GPC5: variants seen among roughly 807,000 people sequenced by gnomAD.
The protein encoded by GPC5 is glypican 5.
GPC5 carries 47 observed loss-of-function variants against 53.9 expected under a neutral mutation model. The observed-to-expected ratio is 0.87, with a 90% CI of 0.69 to 1.11. The LOEUF is 1.11. Among genes scored for constraint, GPC5 ranks in the 50% most tolerant of loss-of-function variants. The pLI is 0.00. For synonymous variants in GPC5, 286 were observed against 263.3 expected, an observed-to-expected ratio of 1.09 and a Z score of -0.84; for missense variants, 748 against 713.1, an observed-to-expected ratio of 1.05 and a Z score of -0.56.
In GPC5 at chr13:91,972,349, C is replaced by G. The variant is rs566333482; in HGVS notation, c.1401+64292C>G. 2.6e-5 allele frequency among the ~76,000 whole-genome samples: 4 copies of G among 152,236 alleles called. No homozygotes were observed. The South Asian group carries it at 8.3e-4, about 32-fold the overall frequency. Reference sequence around the variant, plus strand: ...TCTTCCTCCATCCCTTTATTTTAAGCCTATGTGTGTCTCTGCACGTGAGAT... The same window carrying G: ...TCTTCCTCCATCCCTTTATTTTAAGGCTATGTGTGTCTCTGCACGTGAGAT... On this transcript the variant is annotated intron_variant, in intron 6 of 7. Coordinates refer to ENST00000377067, the MANE Select transcript of GPC5 (RefSeq NM_004466.6).
chr13:91,511,304 G>A (rs1438035274), intron 2 of GPC5, among the ~76,000 whole-genome samples: 1 of 151,916 alleles, frequency 6.6e-6, no homozygotes, highest in East Asian at 1.9e-4. Context: ...ACTGCTTTTA[G>A]TATATTTTCT....
chr13:91,925,448 A>C (rs1185826768), intron 6 of GPC5, among the ~76,000 whole-genome samples: 1 of 152,180 alleles, frequency 6.6e-6, no homozygotes, highest in African/African-American at 2.4e-5. Flanking sequence ...CCATTAATTC[A>C]GTGAACAAAC....
At position 92,052,647 on chromosome 13, in the gene GPC5, A is replaced by G. The variant is rs2041040004; in HGVS notation, c.1402-92183A>G. ...TTGGTGCATTTACAATCCTTTAGCT[A>G]GACACAGAGTGCTGATTGGTGAGTT... On this transcript the variant is annotated intron_variant, in intron 6 of 7. Coordinates refer to ENST00000377067, the MANE Select transcript of GPC5 (RefSeq NM_004466.6). Among the ~76,000 whole-genome samples the G allele has an allele frequency of 2.6e-5, 4 of 152,088 alleles. No homozygotes were observed. In the South Asian group the frequency reaches 8.3e-4, roughly 32 times the overall value.
At chr13:92,417,074 C>T (rs904245957) in intron 7 of GPC5, among the ~76,000 whole-genome samples, 1 of 152,114 alleles carries the variant, frequency 6.6e-6, no homozygotes, top group African/African-American at 2.4e-5. Flanking sequence ...TAAGTCACGC[C>T]GTTGTAAGTC....
intron 7 of GPC5, among the ~76,000 whole-genome samples, chr13:92,503,280 C>T (rs1439904912): frequency 6.6e-6 from 1 of 151,706 alleles, no homozygotes; most frequent in African/African-American, 2.4e-5. Flanking sequence ...TCCACAGTAG[C>T]ATACTTTTTA....
intron 6 of GPC5, among the ~76,000 whole-genome samples, chr13:92,065,980 A>C (rs1204033628): frequency 6.6e-6 from 1 of 152,120 alleles, no homozygotes; most frequent in Non-Finnish European, 1.5e-5. Flanking sequence ...ACTGTTGAAA[A>C]GATATTATTT....
At chr13:92,291,162 C>T (rs963658469) in intron 7 of GPC5, among the ~76,000 whole-genome samples, 2 of 152,232 alleles carry the variant, frequency 1.3e-5, no homozygotes, top group Non-Finnish European at 2.9e-5. Flanking sequence ...CCGGAGCCTC[C>T]CCGAGGAGCG....
chr13:92,064,620 G>T (rs1304686398), intron 6 of GPC5, among the ~76,000 whole-genome samples: 4 of 151,978 alleles, frequency 2.6e-5, no homozygotes, highest in Non-Finnish European at 5.9e-5. Context: ...GCTAGGCGTG[G>T]TGGGGGGGCG....
At chr13:92,425,975 T>C (rs1439416191) in intron 7 of GPC5, among the ~76,000 whole-genome samples, 2 of 152,104 alleles carry the variant, frequency 1.3e-5, no homozygotes, top group South Asian at 4.1e-4. Flanking sequence ...TCTCTAACAT[T>C]AGATCAACAT....
chr13:91,458,590 A>C (rs1338300286), intron 2 of GPC5, among the ~76,000 whole-genome samples: 1 of 152,176 alleles, frequency 6.6e-6, no homozygotes, highest in African/African-American at 2.4e-5. Flanking sequence ...ATAATTAAAA[A>C]ATAAAAAAAA....
At chr13:91,509,427 C>G (rs947400573) in intron 2 of GPC5, among the ~76,000 whole-genome samples, 2 of 42,374 alleles carry the variant, frequency 4.7e-5, no homozygotes, top group African/African-American at 7.4e-5. Context: ...TTTTAAGGAT[C>G]AAATAGTGAG....
chr13:92,392,094 C>G (rs1370965077), intron 7 of GPC5, among the ~76,000 whole-genome samples: 1 of 152,116 alleles, frequency 6.6e-6, no homozygotes, highest in Non-Finnish European at 1.5e-5. Flanking sequence ...AAAAATTAAG[C>G]CAAGTATGTT....
At chr13:92,292,395 G>A (rs1239040701) in intron 7 of GPC5, among the ~76,000 whole-genome samples, 1 of 152,156 alleles carries the variant, frequency 6.6e-6, no homozygotes, top group Non-Finnish European at 1.5e-5. Flanking sequence ...GTGGTATTGT[G>A]TTGTGGTTTT....
chr13:92,658,228 T>A (rs1886205159), intron 7 of GPC5, among the ~76,000 whole-genome samples: 1 of 152,204 alleles, frequency 6.6e-6, no homozygotes, highest in Admixed American at 6.5e-5. Context: ...ATGTATTTTA[T>A]CTGTTGTTGA....
intron 2 of GPC5, among the ~76,000 whole-genome samples, chr13:91,547,097 G>A (rs2030339037): frequency 6.6e-6 from 1 of 152,028 alleles, no homozygotes; most frequent in Non-Finnish European, 1.5e-5. Flanking sequence ...TTCTTAGAAA[G>A]TAAACACTGG....
At chr13:92,342,731 T>C (rs1046253327) in intron 7 of GPC5, among the ~76,000 whole-genome samples, 1 of 152,132 alleles carries the variant, frequency 6.6e-6, no homozygotes, top group African/African-American at 2.4e-5. Flanking sequence ...ATATGAGTAT[T>C]TTAATTCCAT....
At chr13:92,204,152 G>A (rs555746650) in intron 7 of GPC5, among the ~76,000 whole-genome samples, 58 of 152,212 alleles carry the variant, frequency 3.8e-4, no homozygotes, top group Middle Eastern at 3.4e-3. Flanking sequence ...AAATACTAAA[G>A]GGATTGTTCA....
intron 7 of GPC5, among the ~76,000 whole-genome samples, chr13:92,573,888 C>A (rs1294712619): frequency 1.3e-5 from 2 of 152,154 alleles, no homozygotes; most frequent in African/African-American, 4.8e-5. Flanking sequence ...TGAAGAGGGA[C>A]TTCTTCTTTG....
At chr13:91,797,806 C>A (rs2989994) in intron 5 of GPC5, among the ~76,000 whole-genome samples, 31 of 151,892 alleles carry the variant, frequency 2.0e-4, no homozygotes, top group Non-Finnish European at 4.0e-4. Flanking sequence ...GCTTGTGATA[C>A]CTTCGCTGGC....
Sources: allele counts gnomAD v4.1 joint callset (sites outside exome capture counted in the v4.1 genomes callset), GRCh38; gene constraint gnomAD v4.1.1; transcripts MANE v1.5; gene names NCBI Gene and HGNC (gene_info 2026-07-23, HGNC 2026-07-21).